Variants in MKLN1 observed in about 807,000 individuals in gnomAD.
MKLN1 encodes the protein muskelin.
In MKLN1, 18 loss-of-function variants were observed where a neutral mutation model predicts 99.0. The observed-to-expected ratio is 0.18, with a 90% CI of 0.13 to 0.27. The LOEUF (loss-of-function observed/expected upper bound fraction) is 0.27, where lower values mean the gene tolerates loss of function less well. Among genes scored for constraint, MKLN1 ranks in the 10% least tolerant of loss-of-function variants. The pLI is 1.00. For synonymous variants in MKLN1, 288 were observed against 293.2 expected (o/e 0.98, Z 0.18); for missense variants, 621 against 875.9 (o/e 0.71, Z 3.67).
At chr7:131,388,303 T>C (rs1042321089) in intron 3 of MKLN1, among the ~76,000 whole-genome samples, 1 of 152,190 alleles carries the variant, frequency 6.6e-6, no homozygotes, top group Non-Finnish European at 1.5e-5. Context: ...AACCTGAGGG[T>C]GAGTGACTTT....
At chr7:131,292,099 CCT>C (rs1798228104) in intron 3 of MKLN1, among the ~76,000 whole-genome samples, 1 of 152,040 alleles carries the variant, frequency 6.6e-6, no homozygotes, top group Admixed American at 6.6e-5. Context: ...AGAGCCAGGC[CCT>C]GTCTCTAAAA....
In MKLN1 at chr7:131,493,658, A is replaced by G. The variant is rs1292639211; in HGVS notation, c.*5930A>G. On this transcript the variant is annotated 3_prime_UTR_variant, in exon 18 of 18. Transcript: ENST00000352689. ...GGTGAGCAGCTTCTTACATACAACC[A>G]GTTCCTTGTTAAGGATCCAGCAGGA... 6.6e-6 allele frequency: 1 copy of G among 152,218 alleles called. No homozygotes were observed. The highest frequency in any genetic ancestry group is 1.5e-5 in the Non-Finnish European group (1 of 68,036). 9.4% of individuals were successfully genotyped at this position (152,218 alleles called of 1,614,324 possible).
chr7:131,231,694 A>AT (rs1279377537), intron 3 of MKLN1, among the ~76,000 whole-genome samples: 1 of 152,196 alleles, frequency 6.6e-6, no homozygotes, highest in East Asian at 1.9e-4. Context: ...AGATGTTTAT[A>AT]TGTAGGTGTT....
chr7:131,240,224 C>G (rs895801789), intron 3 of MKLN1, among the ~76,000 whole-genome samples: 1 of 151,828 alleles, frequency 6.6e-6, no homozygotes, highest in Non-Finnish European at 1.5e-5. Flanking sequence ...AAGTAAAGTT[C>G]CCCCCCGCCA....
In MKLN1 at chr7:131,492,560, C is replaced by T. The variant is rs1230491437; in HGVS notation, c.*4832C>T. The T allele has an allele frequency of 6.6e-6, 1 of 151,672 alleles. No homozygotes were observed. Among genetic ancestry groups the T allele is most frequent in the Non-Finnish European group, 1.5e-5 (1 of 67,966 alleles). 9.4% of individuals were successfully genotyped at this position (151,672 alleles called of 1,614,324 possible). A position where few individuals can be genotyped will look rare whatever the true frequency, so the allele number is the denominator to read the frequency against. On this transcript the variant is annotated 3_prime_UTR_variant, in exon 18 of 18. Coordinates refer to ENST00000352689, the MANE Select transcript of MKLN1 (RefSeq NM_013255.5). ...CAGCCTGGGCAACACAGGAAGACTC[C>T]ATCTCTACTTAAAATATTTTTGTTT... is the stretch of plus-strand genomic sequence containing the variant.
At chr7:131,435,663 A>G (rs1006154676) in intron 9 of MKLN1, among the ~76,000 whole-genome samples, 11 of 152,072 alleles carry the variant, frequency 7.2e-5, no homozygotes, top group African/African-American at 2.4e-4. Context: ...TGTTTTATCT[A>G]CATTGTCAGA....
intron 17 of MKLN1, among the ~76,000 whole-genome samples, chr7:131,486,928 AAAG>A (rs1478661486): frequency 2.6e-5 from 4 of 152,110 alleles, no homozygotes; most frequent in Admixed American, 2.6e-4. Flanking sequence ...TATCAGGATA[AAAG>A]TAGTTCATTG....
intron 3 of MKLN1, among the ~76,000 whole-genome samples, chr7:131,245,847 A>G (rs548281861): frequency 6.6e-6 from 1 of 152,228 alleles, no homozygotes; most frequent in African/African-American, 2.4e-5. Flanking sequence ...TAAACAACGC[A>G]TGACTATAGT....
At chr7:131,295,907 C>T (rs1253907212) in intron 3 of MKLN1, among the ~76,000 whole-genome samples, 3 of 144,138 alleles carry the variant, frequency 2.1e-5, no homozygotes, top group Non-Finnish European at 4.6e-5. Context: ...AAGGAAAAAA[C>T]ACTTGAAAAA....
intron 2 of MKLN1, among the ~76,000 whole-genome samples, chr7:131,195,900 G>A (rs974422793): frequency 1.6e-4 from 25 of 152,166 alleles, no homozygotes; most frequent in South Asian, 4.1e-4. Context: ...GCAGTGAGCC[G>A]AGATTGCACC....
rs1795715389 is a variant in MKLN1 at position 131,140,531 on chromosome 7, C to T, written c.-418-2289C>T. Among the ~76,000 whole-genome samples, 10 of 152,170 alleles carry T rather than the reference C, an allele frequency of 6.6e-5. No homozygotes were observed. The South Asian group carries it at 2.1e-3, about 32-fold the overall frequency. The stretch of plus-strand genomic sequence containing the variant: ...ATTAGTTCACATGAACACTGATGTT[C>T]AAAAGAGCAACACCTCCTCTTCTCA... On this transcript the variant is annotated intron_variant, in intron 1 of 7. Coordinates refer to the MKLN1 transcript ENST00000416992.
chr7:131,179,891 C>G (rs1796354908), intron 2 of MKLN1, among the ~76,000 whole-genome samples: 1 of 150,518 alleles, frequency 6.6e-6, no homozygotes, highest in South Asian at 2.1e-4. Flanking sequence ...TTATTTCTAA[C>G]ATTTATTTTT....
chr7:131,302,520 A>G (rs192302658), intron 3 of MKLN1, among the ~76,000 whole-genome samples: 15 of 152,310 alleles, frequency 9.8e-5, no homozygotes, highest in African/African-American at 3.1e-4. Flanking sequence ...ACTAGGCATC[A>G]GTGTTAATTG....
intron 11 of MKLN1, 28 bp downstream of exon 11, chr7:131,443,730 T>C: frequency 6.8e-7 from 1 of 1,471,618 alleles, no homozygotes; most frequent in Non-Finnish European, 9.5e-7. Flanking sequence ...ATTGCGTAAA[T>C]GTTATTTTGT....
intron 3 of MKLN1, among the ~76,000 whole-genome samples, chr7:131,256,656 AGCAACTTGGAT>A (rs1797662674): frequency 6.6e-6 from 1 of 152,240 alleles, no homozygotes; most frequent in East Asian, 1.9e-4. Context: ...TGTCCTTTGC[AGCAACTTGGAT>A]GCAGCTGGAG....
At chr7:131,154,364 G>C (rs1795934532) in intron 2 of MKLN1, among the ~76,000 whole-genome samples, 1 of 152,150 alleles carries the variant, frequency 6.6e-6, no homozygotes, top group African/African-American at 2.4e-5. Context: ...TTACAGGTGT[G>C]AGCCACCGCC....
intron 4 of MKLN1, 96 bp from the exon 5 acceptor site, chr7:131,397,171 A>G: frequency 1.3e-6 from 1 of 783,384 alleles, no homozygotes. Context: ...TCGTTGAATG[A>G]ATCCTTATAA....
chr7:131,257,282 A>C (rs1001668108), intron 3 of MKLN1, among the ~76,000 whole-genome samples: 3 of 152,364 alleles, frequency 2.0e-5, no homozygotes, highest in East Asian at 1.9e-4. Context: ...ACTTCTGACC[A>C]CAATGACACA....
chr7:131,474,526 C>G (rs959236553), intron 16 of MKLN1, among the ~76,000 whole-genome samples: 1 of 152,148 alleles, frequency 6.6e-6, no homozygotes, highest in Non-Finnish European at 1.5e-5. Context: ...ACATACAGTT[C>G]ACTTATTTAA....
Sources: allele counts gnomAD v4.1 joint callset (sites outside exome capture counted in the v4.1 genomes callset), GRCh38; gene constraint gnomAD v4.1.1; transcripts MANE v1.5; gene names NCBI Gene and HGNC (gene_info 2026-07-23, HGNC 2026-07-21).